Variants in MTCL1 observed in about 807,000 individuals in gnomAD.
The protein encoded by MTCL1 is microtubule crosslinking factor 1, also known as microtubule cross-linking factor 1.
Under a neutral mutation model 141.4 loss-of-function variants are expected in MTCL1, and 79 were observed. The observed-to-expected ratio is 0.56, with a 90% CI of 0.47 to 0.67. The LOEUF (loss-of-function observed/expected upper bound fraction) is 0.67, where lower values mean the gene tolerates loss of function less well. Ranked by LOEUF, MTCL1 falls within the 30% of genes least tolerant of loss-of-function variation. The pLI, the probability that MTCL1 is intolerant of heterozygous loss-of-function variation, is 0.00. For synonymous variants in MTCL1, 914 were observed against 875.8 expected (o/e 1.04, Z -0.77); for missense variants, 2,177 against 2,113.9 (o/e 1.03, Z -0.59).
chr18:8,773,220 A>G (rs901758345), intron 4 of MTCL1, among the ~76,000 whole-genome samples: 1 of 152,096 alleles, frequency 6.6e-6, no homozygotes, highest in Non-Finnish European at 1.5e-5. Flanking sequence ...ATGCCTTTGT[A>G]AGGCCAAGTT....
intron 4 of MTCL1, among the ~76,000 whole-genome samples, chr18:8,729,057 GT>G (rs2096235669): frequency 6.7e-6 from 1 of 149,060 alleles, no homozygotes. Flanking sequence ...TTATTGTACT[GT>G]TTTTTGAGAC....
intron 4 of MTCL1, among the ~76,000 whole-genome samples, chr18:8,764,949 A>T (rs1170222434): frequency 6.6e-6 from 1 of 152,230 alleles, no homozygotes; most frequent in Non-Finnish European, 1.5e-5. Context: ...CCCAATGATA[A>T]AAAGAGAAGA....
intron 4 of MTCL1, among the ~76,000 whole-genome samples, chr18:8,725,631 A>G (rs1222005614): frequency 6.6e-6 from 1 of 152,140 alleles, no homozygotes; most frequent in Non-Finnish European, 1.5e-5. Context: ...GTGTTGTTGC[A>G]ATTTGGAAAA....
chr18:8,724,834 G>A (rs553068453), intron 4 of MTCL1, among the ~76,000 whole-genome samples: 1 of 152,114 alleles, frequency 6.6e-6, no homozygotes, highest in South Asian at 2.1e-4. Flanking sequence ...TAAAAAAAGG[G>A]CTGATCTGGC....
chr18:8,739,546 T>C (rs1447443639), intron 4 of MTCL1, among the ~76,000 whole-genome samples: 1 of 152,148 alleles, frequency 6.6e-6, no homozygotes, highest in East Asian at 1.9e-4. Flanking sequence ...AACAACAACA[T>C]CTTTCATATT....
chr18:8,718,751 A>T, intron 3 of MTCL1, 103 bp downstream of exon 2: 1 of 1,028,982 alleles, frequency 9.7e-7, no homozygotes. Context: ...CTGTCTCTAC[A>T]GATTGCAGCA....
chr18:8,716,435 G>A (rs2096128554), upstream of MTCL1, among the ~76,000 whole-genome samples: 2 of 152,134 alleles, frequency 1.3e-5, no homozygotes. Context: ...AGGTAAGGTT[G>A]ACCGAAGCAT....
At chr18:8,731,793 C>G (rs1437385540) in intron 4 of MTCL1, among the ~76,000 whole-genome samples, 1 of 152,074 alleles carries the variant, frequency 6.6e-6, no homozygotes, top group Non-Finnish European at 1.5e-5. Context: ...ACTGCAACCT[C>G]TGCCTCCCAG....
chr18:8,720,181 C>T (rs935538469), intron 3 of MTCL1, 157 bp from the exon 3 acceptor site: 133 of 662,344 alleles, frequency 2.0e-4, no homozygotes, highest in Admixed American at 3.9e-4. Flanking sequence ...AATGAATCTC[C>T]TCCTCCTTTT....
chr18:8,745,910 C>G (rs2096334472), intron 4 of MTCL1, among the ~76,000 whole-genome samples: 1 of 152,150 alleles, frequency 6.6e-6, no homozygotes, highest in Non-Finnish European at 1.5e-5. Flanking sequence ...TCCTCCCAGC[C>G]CCTGGCAACC....
At chr18:8,713,222 A>G (rs1296384161), upstream of MTCL1, among the ~76,000 whole-genome samples, 2 of 152,244 alleles carry the variant, frequency 1.3e-5, no homozygotes, top group East Asian at 3.8e-4. Flanking sequence ...TTCGTTTTAT[A>G]TACAAAACTT....
chr18:8,809,339 G>A (rs1213868982), intron 11 of MTCL1: 15 of 1,351,492 alleles, frequency 1.1e-5, no homozygotes, highest in South Asian at 2.8e-5. Flanking sequence ...CATGTCCTCC[G>A]GTTATAAACA....
intron 10 of MTCL1, among the ~76,000 whole-genome samples, chr18:8,803,957 A>G (rs985290356): frequency 3.3e-5 from 5 of 152,248 alleles, no homozygotes; most frequent in African/African-American, 9.6e-5. Flanking sequence ...CTTGGCATTC[A>G]TAGAAAACCA....
At chr18:8,800,279 G>A (rs566681145) in intron 10 of MTCL1, among the ~76,000 whole-genome samples, 118 of 152,178 alleles carry the variant, frequency 7.8e-4, no homozygotes, top group African/African-American at 1.2e-3. Context: ...CGAGCACCTC[G>A]CAAGGCGATT....
At chr18:8,769,710 C>T (rs1241759202) in intron 4 of MTCL1, among the ~76,000 whole-genome samples, 2 of 152,192 alleles carry the variant, frequency 1.3e-5, no homozygotes, top group Non-Finnish European at 2.9e-5. Context: ...TTGGGGCCTT[C>T]CCAAACTCTT....
At chr18:8,801,369 A>G (rs1407632725) in intron 10 of MTCL1, among the ~76,000 whole-genome samples, 2 of 150,654 alleles carry the variant, frequency 1.3e-5, no homozygotes, top group Non-Finnish European at 3.0e-5. Context: ...TTTACATTTC[A>G]ATTTTGTACG....
At chr18:8,757,445 A>G (rs2096407707) in intron 4 of MTCL1, among the ~76,000 whole-genome samples, 1 of 152,182 alleles carries the variant, frequency 6.6e-6, no homozygotes, top group South Asian at 2.1e-4. Context: ...TTCACCTCCA[A>G]AAAGGTTCTT....
At chr18:8,788,835 TG>T (rs934685744) in intron 7 of MTCL1, among the ~76,000 whole-genome samples, 2 of 152,166 alleles carry the variant, frequency 1.3e-5, no homozygotes, top group African/African-American at 4.8e-5. Context: ...AAAAATGAAC[TG>T]CTAAAAAAAC....
At chr18:8,764,532 G>A (rs548861111) in intron 4 of MTCL1, among the ~76,000 whole-genome samples, 11 of 152,182 alleles carry the variant, frequency 7.2e-5, no homozygotes, top group Non-Finnish European at 1.6e-4. Context: ...TGGCCAGGCT[G>A]GTCTCGAACT....
Sources: allele counts gnomAD v4.1 joint callset (sites outside exome capture counted in the v4.1 genomes callset), GRCh38; gene constraint gnomAD v4.1.1; transcripts MANE v1.5; gene names NCBI Gene and HGNC (gene_info 2026-07-23, HGNC 2026-07-21).